ZNF420: variants seen among roughly 807,000 people sequenced by gnomAD.
ZNF420 encodes zinc finger protein 420, also known as ATM and p53-associated KZNF protein.
ZNF420 carries 31 observed loss-of-function variants against 44.7 expected under a neutral mutation model. The observed-to-expected ratio is 0.69, with a 90% CI of 0.52 to 0.94. ZNF420 has a LOEUF of 0.94. Among genes scored for constraint, ZNF420 ranks in the 40% least tolerant of loss-of-function variants. The pLI is 0.00. For synonymous variants in ZNF420, 245 were observed against 267.4 expected (o/e 0.92, Z 0.82); for missense variants, 681 against 827.9 (o/e 0.82, Z 2.18).
At chr19:37,012,804 G>C (rs1254221112) in intron 1 of ZNF420, among the ~76,000 whole-genome samples, 1 of 138,996 alleles carries the variant, frequency 7.2e-6, no homozygotes, top group Non-Finnish European at 1.5e-5. Flanking sequence ...GTGTGTGTGT[G>C]TGTGTGTGTC....
At chr19:37,015,467 G>A (rs530671071) in intron 1 of ZNF420, among the ~76,000 whole-genome samples, 40 of 152,312 alleles carry the variant, frequency 2.6e-4, no homozygotes, top group Admixed American at 5.2e-4. Context: ...TAGCTGTCCT[G>A]TCCTCAGGAT....
intron 1 of ZNF420, among the ~76,000 whole-genome samples, chr19:37,014,994 C>T (rs889747776): frequency 3.9e-5 from 6 of 152,212 alleles, no homozygotes; most frequent in African/African-American, 1.4e-4. Context: ...GAAAGTCGTC[C>T]CCCCGGGATT....
intron 4 of ZNF420, among the ~76,000 whole-genome samples, chr19:37,094,272 C>T (rs1046610361): frequency 1.3e-5 from 2 of 152,038 alleles, no homozygotes; most frequent in African/African-American, 4.8e-5. Context: ...TTTGTTTCCT[C>T]TTTTTATCTT....
chr19:37,128,785 T>C lies in ZNF420; in HGVS notation c.1794T>C (p.His598=). ...AGGAGTGTGGCAAGGCCTTTAGTCA[T>C]GGCTCTCAGCTTACTCTACATCAGA... The part of the protein sequence containing the change: ...ECKECGKAFS[H]GSQLTLHQRI... Residue 598 remains histidine, a synonymous_variant, in exon 5 of 5, where the codon CAT becomes CAC. Coordinates refer to ENST00000337995, the MANE Select transcript of ZNF420 (RefSeq NM_144689.5). 6.2e-7 allele frequency: 1 copy of C among 1,613,882 alleles called. No individual in the cohort carries two copies. Among genetic ancestry groups the C allele is most frequent in the South Asian group, 1.1e-5 (1 of 91,068 alleles).
At chr19:37,008,201 G>T in intron 1 of ZNF420, 1 of 312,874 alleles carries the variant, frequency 3.2e-6, no homozygotes. Context: ...GCAGCCTCAG[G>T]AGTTGCCTGG....
chr19:37,103,124 C>T (rs2031825996), intron 4 of ZNF420, among the ~76,000 whole-genome samples: 1 of 151,674 alleles, frequency 6.6e-6, no homozygotes, highest in African/African-American at 2.4e-5. Flanking sequence ...TGTAAATTTC[C>T]CTGGGTACAA....
chr19:37,056,975 GGAGCGC>G (rs1599622445), intron 1 of ZNF420, among the ~76,000 whole-genome samples: 1 of 152,390 alleles, frequency 6.6e-6, no homozygotes, highest in East Asian at 1.9e-4. Flanking sequence ...TTCCAGCAGC[GGAGCGC>G]GAGTCGGCCT....
Position 37,129,286 on chromosome 19 carries a change from C to G in ZNF420, c.*228C>G. 1 of 523,730 alleles carries G rather than the reference C, an allele frequency of 1.9e-6. No individual in the cohort carries two copies. Among genetic ancestry groups the G allele is most frequent in the Non-Finnish European group, 3.3e-6 (1 of 302,874 alleles). The allele number at this position is 523,730 out of a possible 1,614,324, so 32.4% of individuals were successfully genotyped here. On this transcript the variant is annotated 3_prime_UTR_variant, in exon 5 of 5. Transcript: ENST00000337995. ...TTTAATATAGTAAATGTAGGAAGCC[C>G]TTTAGCCATATTGAAAACAAATATC...
Position 37,097,142 on chromosome 19 carries a change from C to T in ZNF420, c.136+6021C>T, listed in dbSNP as rs977729276. 2.2e-4 allele frequency among the ~76,000 whole-genome samples: 33 copies of T among 152,122 alleles called. No homozygotes were observed. In the South Asian group the frequency reaches 2.9e-3, roughly 13 times the overall value. On this transcript the variant is annotated intron_variant, in intron 4 of 4. Coordinates refer to ENST00000337995, the MANE Select transcript of ZNF420 (RefSeq NM_144689.5). The stretch of plus-strand genomic sequence containing the variant: ...TTGAATTCTTGACCTTGTGATCTGC[C>T]TGCCTCGGCCTCCCAAAGTGCTGGG...
intron 1 of ZNF420, among the ~76,000 whole-genome samples, chr19:37,041,906 G>A (rs191690115): frequency 1.2e-4 from 18 of 152,250 alleles, no homozygotes; most frequent in African/African-American, 4.1e-4. Flanking sequence ...AAATTCAACT[G>A]TCAATATACA....
upstream of ZNF420, among the ~76,000 whole-genome samples, chr19:37,075,741 CAAAACAAAAACA>C (rs549106473): frequency 6.6e-6 from 1 of 151,442 alleles, no homozygotes; most frequent in Non-Finnish European, 1.5e-5. Context: ...GACTCTGTCT[CAAAACAAAAACA>C]AAAACAAAAA....
At chr19:37,103,422 T>A (rs969183719) in intron 4 of ZNF420, among the ~76,000 whole-genome samples, 2 of 152,242 alleles carry the variant, frequency 1.3e-5, no homozygotes, top group Admixed American at 1.3e-4. Flanking sequence ...TATTCTCTAC[T>A]ATGACGGTGA....
chr19:37,113,480 G>GTTTACAC lies in ZNF420; in HGVS notation c.137-13644_137-13643insCACTTTA, dbSNP rs1368370712. 4.3e-3 allele frequency among the ~76,000 whole-genome samples: 652 copies of GTTTACAC among 152,174 alleles called. 8 individuals carry two copies. The highest frequency in any genetic ancestry group is 0.015 in the African/African-American group (631 of 41,532). On this transcript the variant is annotated intron_variant, in intron 4 of 4. Coordinates refer to ENST00000337995, the MANE Select transcript of ZNF420 (RefSeq NM_144689.5). ...CCCACTGGGACCTTTCCTTTTAATG[G>GTTTACAC]TTTAATGGCTGATTGACACTCAGGA...
intron 1 of ZNF420, among the ~76,000 whole-genome samples, chr19:37,028,400 A>T (rs1415511427): frequency 6.6e-6 from 1 of 152,206 alleles, no homozygotes; most frequent in Admixed American, 6.5e-5. Context: ...GTCCATAAAT[A>T]TTTCTGACTG....
chr19:37,061,567 A>C (rs899243989), intron 1 of ZNF420, among the ~76,000 whole-genome samples: 1 of 152,244 alleles, frequency 6.6e-6, no homozygotes, highest in Non-Finnish European at 1.5e-5. Flanking sequence ...TCATAAGTGG[A>C]AAATTGTTTT....
At chr19:37,036,064 A>C (rs1474037441) in intron 1 of ZNF420, among the ~76,000 whole-genome samples, 1 of 152,144 alleles carries the variant, frequency 6.6e-6, no homozygotes, top group African/African-American at 2.4e-5. Flanking sequence ...TCTTTGCCTT[A>C]ACAAGGGCCC....
At chr19:37,041,665 A>G (rs1967455213) in intron 1 of ZNF420, among the ~76,000 whole-genome samples, 1 of 152,202 alleles carries the variant, frequency 6.6e-6, no homozygotes, top group South Asian at 2.1e-4. Flanking sequence ...TTCTAGAAAC[A>G]TTGGAAGATC....
intron 4 of ZNF420, among the ~76,000 whole-genome samples, chr19:37,114,178 TGTAA>T (rs1270788895): frequency 8.9e-4 from 135 of 152,204 alleles, no homozygotes; most frequent in South Asian, 8.3e-4. Context: ...AATAATTTTA[TGTAA>T]TGCACTACCC....
At chr19:37,101,464 C>T (rs1969772314) in intron 4 of ZNF420, among the ~76,000 whole-genome samples, 1 of 152,204 alleles carries the variant, frequency 6.6e-6, no homozygotes, top group South Asian at 2.1e-4. Flanking sequence ...CACTGCACTC[C>T]AGCCTGGGCA....
Sources: gnomAD v4.1 joint callset for allele counts (sites outside exome capture counted in the v4.1 genomes callset) on GRCh38, gnomAD v4.1.1 for gene constraint, MANE v1.5 for transcripts, NCBI Gene and HGNC (gene_info 2026-07-23, HGNC 2026-07-21) for gene names.